Variants in DNASE2 observed in about 807,000 individuals in gnomAD.
DNASE2 encodes deoxyribonuclease 2, lysosomal.
A neutral mutation model predicts 29.8 loss-of-function variants in DNASE2; 26 were observed. The ratio of observed to expected loss-of-function variants is 0.87; its 90% CI spans 0.64 to 1.21. The LOEUF (loss-of-function observed/expected upper bound fraction) is 1.21. Among genes scored for constraint, DNASE2 ranks in the 50% most tolerant of loss-of-function variants. The pLI, the probability that DNASE2 is intolerant of heterozygous loss-of-function variation, is 0.00. For synonymous variants in DNASE2, 186 were observed against 193.5 expected (o/e 0.96, Z 0.32); for missense variants, 415 against 455.6 (o/e 0.91, Z 0.81).
chr19:12,875,694 G>GT lies in DNASE2; in HGVS notation c.*295dup. On this transcript the variant is annotated 3_prime_UTR_variant, in exon 6 of 6. Transcript: ENST00000222219. ...CAGATGTGAGCCACTGCACCCACCC[G>GT]TCCCCCGCCCCCCCTTTTTTTTTGA... The GT allele has an allele frequency of 4.6e-6, 1 of 219,430 alleles. No individual in the cohort carries two copies. Among genetic ancestry groups the GT allele is most frequent in the South Asian group, 4.8e-5 (1 of 20,974 alleles). 13.6% of individuals were successfully genotyped at this position (219,430 alleles called of 1,614,324 possible).
rs762894494 is a variant in DNASE2 at position 12,881,086 on chromosome 19, G to A, written c.153C>T (p.Tyr51=). The A allele has an allele frequency of 1.2e-6, 2 of 1,612,376 alleles. No individual in the cohort carries two copies. The highest frequency in any genetic ancestry group is 3.3e-5 in the Admixed American group (2 of 60,026). The part of the protein sequence containing the change: ...SGEAAQRGLQ[Y]KYLDESSGGW... ...CTCCGGAGCTCTCGTCCAGATACTT[G>A]TACTGCAGCCCTCTCTGCGCCGCCT... Residue 51 remains tyrosine (Y), a synonymous_variant, in exon 2 of 6, where the codon TAC becomes TAT. Transcript: ENST00000222219.
chr19:12,876,153 G>T lies in DNASE2; in HGVS notation c.920C>A (p.Thr307Asn), dbSNP rs562507670. The T allele has an allele frequency of 6.2e-7, 1 of 1,614,156 alleles. No individual in the cohort carries two copies. Among genetic ancestry groups the T allele is most frequent in the South Asian group, 1.1e-5 (1 of 91,088 alleles). ...KWCVSPKGPWTCVGDMNRNQG... is the reference protein window; with the variant it reads ...KWCVSPKGPWNCVGDMNRNQG... Reference sequence around the variant, plus strand: ...GTTCCGATTCATGTCACCCACGCAGGTCCAGGGCCCTTTTGGGGACACGCA... The same window carrying T: ...GTTCCGATTCATGTCACCCACGCAGTTCCAGGGCCCTTTTGGGGACACGCA... Residue 307 changes from threonine to asparagine, a missense_variant, in exon 6 of 6, where the codon ACC becomes AAC. Physicochemically the swap from Thr to Asn is moderately conservative, Grantham distance 65 (BLOSUM62 0). Transcript: ENST00000222219.
intron 5 of DNASE2, 43 bp from the exon 6 acceptor site, chr19:12,876,406 T>C (rs926424494): frequency 1.3e-6 from 2 of 1,599,210 alleles, no homozygotes; most frequent in Non-Finnish European, 1.7e-6. Context: ...TCAGGGCCAC[T>C]GCGAGGGAGT....
At position 12,876,148 on chromosome 19, in the gene DNASE2, C is replaced by T. The variant is rs747693624; in HGVS notation, c.925G>A (p.Val309Met). The change falls in exon 6 of 6, where the codon GTG (valine) becomes ATG (methionine). Residue 309 changes from valine (V) to methionine (M), a missense_variant. By Grantham distance (21) the Val-to-Met change is conservative (BLOSUM62 1). Transcript: ENST00000222219. The part of the protein sequence containing the change: ...CVSPKGPWTC[V>M]GDMNRNQGEE... Reference sequence around the variant, plus strand: ...CCCTGGTTCCGATTCATGTCACCCACGCAGGTCCAGGGCCCTTTTGGGGAC... The same window carrying T: ...CCCTGGTTCCGATTCATGTCACCCATGCAGGTCCAGGGCCCTTTTGGGGAC... The T allele has an allele frequency of 2.6e-5, 42 of 1,614,236 alleles. No individual in the cohort carries two copies. The highest frequency in any genetic ancestry group is 4.5e-5 in the East Asian group (2 of 44,888).
chr19:12,877,178 G>C (rs889482380), intron 5 of DNASE2, among the ~76,000 whole-genome samples: 1 of 151,830 alleles, frequency 6.6e-6, no homozygotes, highest in African/African-American at 2.4e-5. Context: ...ACCCGCCTTG[G>C]TCTCCCAAAA....
At chr19:12,880,679 G>T in intron 3 of DNASE2, 123 bp downstream of exon 3, 1 of 1,322,760 alleles carries the variant, frequency 7.6e-7, no homozygotes, top group Non-Finnish European at 1.1e-6. Context: ...AAAAAAAAAA[G>T]TTGGGGGGAA....
rs1415070727 is a variant in DNASE2, at chr19:12,880,728, A to G, written c.346+74T>C. The G allele has an allele frequency of 2.5e-6, 4 of 1,589,010 alleles. No individual in the cohort carries two copies. In the African/African-American group the frequency reaches 5.4e-5, roughly 21 times the overall value. On this transcript the variant is annotated intron_variant, in intron 3 of 5. Transcript: ENST00000222219. The stretch of plus-strand genomic sequence containing the variant: ...TCTGACAGTGCAGATCTCCCCGACC[A>G]CCCCATGCACGTCAGGGGTTACCTT...
At chr19:12,877,409 A>G (rs1253827552) in intron 5 of DNASE2, among the ~76,000 whole-genome samples, 1 of 148,934 alleles carries the variant, frequency 6.7e-6, no homozygotes, top group Non-Finnish European at 1.5e-5. Context: ...CCCACTAATT[A>G]AAATTTTTTT....
intron 3 of DNASE2, 117 bp downstream of exon 3, chr19:12,880,685 G>A (rs1970369424): frequency 3.6e-6 from 5 of 1,376,030 alleles, no homozygotes; most frequent in East Asian, 2.3e-5. Flanking sequence ...AAAAGTTGGG[G>A]GGAATAGATG....
intron 5 of DNASE2, 140 bp downstream of exon 5, chr19:12,878,242 A>G: frequency 9.0e-7 from 1 of 1,106,588 alleles, no homozygotes; most frequent in South Asian, 1.3e-5. Flanking sequence ...CAGGGTTTGA[A>G]CCCAGGTCTG....
rs1361274059 is a variant in DNASE2 at position 12,876,152 on chromosome 19, G to T, written c.921C>A (p.Thr307=). The T allele has an allele frequency of 2.5e-6, 4 of 1,614,188 alleles. No homozygotes were observed. The highest frequency in any genetic ancestry group is 3.4e-6 in the Non-Finnish European group (4 of 1,180,044). The change falls in exon 6 of 6, where the codon ACC becomes ACA. Residue 307 remains threonine, a synonymous_variant. Transcript: ENST00000222219. ...GGTTCCGATTCATGTCACCCACGCA[G>T]GTCCAGGGCCCTTTTGGGGACACGC... ...KWCVSPKGPW[T]CVGDMNRNQG...
At chr19:12,879,484 CAAAAAAAAAA>C (rs35693082) in intron 3 of DNASE2, among the ~76,000 whole-genome samples, 1 of 71,174 alleles carries the variant, frequency 1.4e-5, no homozygotes, top group African/African-American at 5.7e-5. Context: ...AACTCCTTCT[CAAAAAAAAAA>C]AAAAAAAAAA....
At chr19:12,879,752 C>T (rs976548252) in intron 3 of DNASE2, among the ~76,000 whole-genome samples, 4 of 152,136 alleles carry the variant, frequency 2.6e-5, no homozygotes, top group Non-Finnish European at 4.4e-5. Context: ...GGGTGGATTG[C>T]TTGAACCAGG....
Position 12,878,725 on chromosome 19 carries a change from G to T in DNASE2, c.456C>A (p.Thr152=). 2 of 1,614,152 alleles carry T rather than the reference G, an allele frequency of 1.2e-6. No homozygotes were observed. The highest frequency in any genetic ancestry group is 1.7e-6 in the Non-Finnish European group (2 of 1,180,016). Residue 152 remains threonine (T), a synonymous_variant, in exon 4 of 6, where the codon ACC becomes ACA. Transcript: ENST00000222219. ...ACACACAGAGCAGGGTCTGCCCGTA[G>T]GTACAGGCGCTATGAGGCCAGCTGT... ...AAYSWPHSAC[T]YGQTLLCVSF... is the part of the protein sequence containing the mutation.
chr19:12,881,066 G>T lies in DNASE2; in HGVS notation c.173C>A (p.Ser58Tyr). The T allele has an allele frequency of 6.2e-7, 1 of 1,612,830 alleles. No individual in the cohort carries two copies. The stretch of plus-strand genomic sequence containing the variant: ...TGCCCTGCCGTCCCGCCAGCCTCCG[G>T]AGCTCTCGTCCAGATACTTGTACTG... The part of the protein sequence containing the change: ...GLQYKYLDES[S>Y]GGWRDGRALI... The change falls in exon 2 of 6, where the codon TCC becomes TAC. Residue 58 changes from serine to tyrosine, a missense_variant. Coordinates refer to ENST00000222219, the MANE Select transcript of DNASE2 (RefSeq NM_001375.3).
chr19:12,878,609 G>A (rs1223724755), intron 4 of DNASE2, 30 bp from the exon 5 acceptor site: 4 of 1,613,830 alleles, frequency 2.5e-6, no homozygotes, highest in South Asian at 1.1e-5. Context: ...GGAAATGCAA[G>A]ATCGTTCCAG....
At chr19:12,881,264 T>C (rs891592734) in intron 1 of DNASE2, 26 bp downstream of exon 1, 7 of 1,588,256 alleles carry the variant, frequency 4.4e-6, no homozygotes, top group East Asian at 2.3e-5. Context: ...CCCGGGGCGA[T>C]GGTAGGCCCC....
At chr19:12,876,555 G>A (rs192521520) in intron 5 of DNASE2, among the ~76,000 whole-genome samples, 192 bp from the exon 6 acceptor site, 30 of 149,854 alleles carry the variant, frequency 2.0e-4, no homozygotes. Context: ...TGCCTCCGAG[G>A]TTCAAGTGAT....
chr19:12,876,191 G>T lies in DNASE2; in HGVS notation c.882C>A (p.Asp294Glu), dbSNP rs1373787468. ...PAGPSFNSTE[D>E]HSKWCVSPKG... ...TTGGGGACACGCACCATTTGGAGTG[G>T]TCCTCTGTGCTGTTGAAGCTTGGGC... The change falls in exon 6 of 6, where the codon GAC (aspartate) becomes GAA (glutamate). Residue 294 changes from aspartate (D) to glutamate (E), a missense_variant. Transcript: ENST00000222219. The T allele has an allele frequency of 6.2e-7, 1 of 1,614,104 alleles. No individual in the cohort carries two copies. The highest frequency in any genetic ancestry group is 8.5e-7 in the Non-Finnish European group (1 of 1,180,054).
Sources: allele counts gnomAD v4.1 joint callset (sites outside exome capture counted in the v4.1 genomes callset), GRCh38; gene constraint gnomAD v4.1.1; transcripts MANE v1.5; gene names NCBI Gene and HGNC (gene_info 2026-07-23, HGNC 2026-07-21).